The following HSD17B2 variants were observed in gnomAD, a reference collection of about 807,000 sequenced individuals.
The protein encoded by HSD17B2 is hydroxysteroid 17-beta dehydrogenase 2.
In HSD17B2, 32 loss-of-function variants were observed where a neutral mutation model predicts 26.9. The ratio of observed to expected loss-of-function variants is 1.19; its 90% CI spans 0.90 to 1.60. The LOEUF is 1.60. Ranked by LOEUF, HSD17B2 falls within the 40% of genes most tolerant of loss-of-function variation. HSD17B2 has a pLI of 0.00. For synonymous variants in HSD17B2, 246 were observed against 186.7 expected (o/e 1.32, Z -2.59); for missense variants, 613 against 468.6 (o/e 1.31, Z -2.85).
chr16:82,052,971 C>G (rs1914153174), intron 1 of HSD17B2, among the ~76,000 whole-genome samples: 1 of 152,218 alleles, frequency 6.6e-6, no homozygotes, highest in Non-Finnish European at 1.5e-5. Flanking sequence ...CAGCTTAGGT[C>G]TCTCTTCCTC....
intron 1 of HSD17B2, among the ~76,000 whole-genome samples, chr16:82,045,518 T>C (rs958701609): frequency 1.4e-4 from 22 of 152,250 alleles, no homozygotes; most frequent in Admixed American, 9.8e-4. Context: ...TAATGATTTT[T>C]ACCTATTTTC....
intron 4 of HSD17B2, chr16:82,095,108 T>C (rs1318915736): frequency 6.6e-6 from 1 of 152,072 alleles, no homozygotes; most frequent in African/African-American, 2.4e-5. Context: ...GGACTCTGGA[T>C]AGGTTACCCA....
At chr16:82,038,563 G>A (rs551590345) in intron 1 of HSD17B2, among the ~76,000 whole-genome samples, 4 of 152,208 alleles carry the variant, frequency 2.6e-5, no homozygotes, top group Admixed American at 2.0e-4. Flanking sequence ...CATTTTAAAT[G>A]TATAACTGTA....
Position 82,043,404 on chromosome 16 carries a change from G to A in HSD17B2, c.265+7715G>A, listed in dbSNP as rs559898732. ...AGGGTTTATAAAAATCATATAGATG[G>A]CCGGGCGCGGTGGCTCATGCCTGTA... On this transcript the variant is annotated intron_variant, in intron 1 of 4. Coordinates refer to ENST00000199936, the MANE Select transcript of HSD17B2 (RefSeq NM_002153.3). Among the ~76,000 whole-genome samples, 6 of 125,614 alleles carry A rather than the reference G, an allele frequency of 4.8e-5. 1 individual carries two copies. Among genetic ancestry groups the A allele is most frequent in the Admixed American group, 2.1e-4 (3 of 14,002 alleles). 82.4% of individuals were successfully genotyped at this position (125,614 alleles called of 152,430 possible).
chr16:82,084,724 A>G (rs1248209710), intron 3 of HSD17B2, among the ~76,000 whole-genome samples: 1 of 152,168 alleles, frequency 6.6e-6, no homozygotes, highest in Admixed American at 6.5e-5. Context: ...CTATGCTTGA[A>G]TAAGAAGAGT....
intron 3 of HSD17B2, chr16:82,071,549 C>T (rs1914699018): frequency 3.3e-6 from 1 of 299,524 alleles, no homozygotes. Flanking sequence ...TTTGTGCCAT[C>T]AAACAAAAGC....
Position 82,068,316 on chromosome 16 carries a change from G to A in HSD17B2, c.412G>A (p.Asp138Asn). 1 of 1,614,076 alleles carries A rather than the reference G, an allele frequency of 6.2e-7. No individual in the cohort carries two copies. Among genetic ancestry groups the A allele is most frequent in the South Asian group, 1.1e-5 (1 of 91,050 alleles). ...TCCGCGCCTCTCGGTGCTCCAAATG[G>A]ACATCACGAAGCCAGTGCAGATAAA... ...CSPRLSVLQM[D>N]ITKPVQIKDA... Residue 138 changes from aspartate (D) to asparagine (N), a missense_variant, in exon 2 of 5, where the codon GAC becomes AAC. Physicochemically the swap from Asp to Asn is conservative, Grantham distance 23. Transcript: ENST00000199936.
chr16:82,080,956 TTTCCTCC>T (rs1375847658), intron 3 of HSD17B2, among the ~76,000 whole-genome samples: 2 of 152,144 alleles, frequency 1.3e-5, no homozygotes, highest in East Asian at 3.9e-4. Flanking sequence ...TTTTTTTGTT[TTTCCTCC>T]TTCCGAAGGT....
chr16:82,068,293 C>T lies in HSD17B2; in HGVS notation c.389C>T (p.Pro130Leu), dbSNP rs746830945. ...GAEELRRTCS[P>L]RLSVLQMDIT... is the part of the protein sequence containing the mutation. ...GAGGAATTGCGAAGAACCTGCTCTC[C>T]GCGCCTCTCGGTGCTCCAAATGGAC... is the stretch of plus-strand genomic sequence containing the variant. The change falls in exon 2 of 5, where the codon CCG becomes CTG. Residue 130 changes from proline to leucine, a missense_variant. Transcript: ENST00000199936. 3.6e-5 allele frequency: 58 copies of T among 1,613,784 alleles called. No individual in the cohort carries two copies. The highest frequency in any genetic ancestry group is 3.3e-4 in the Middle Eastern group (2 of 6,074).
At chr16:82,097,764 C>T (rs528754262) in intron 4 of HSD17B2, 236 of 175,550 alleles carry the variant, frequency 1.3e-3, no homozygotes, top group African/African-American at 5.4e-3. Flanking sequence ...CATGGCAAAA[C>T]CCCGTGTCTA....
intron 2 of HSD17B2, 169 bp from the exon 3 acceptor site, chr16:82,070,773 A>G: frequency 1.7e-6 from 1 of 604,458 alleles, no homozygotes; most frequent in Middle Eastern, 4.4e-4. Context: ...TTCCCCTCCC[A>G]CTCCCACTCC....
chr16:82,047,126 C>T (rs1253012325), intron 1 of HSD17B2, among the ~76,000 whole-genome samples: 1 of 152,208 alleles, frequency 6.6e-6, no homozygotes, highest in African/African-American at 2.4e-5. Context: ...ACTGAACAGC[C>T]AGGAACTTCC....
At chr16:82,037,143 G>C (rs1169273962) in intron 1 of HSD17B2, among the ~76,000 whole-genome samples, 1 of 152,176 alleles carries the variant, frequency 6.6e-6, no homozygotes, top group Non-Finnish European at 1.5e-5. Flanking sequence ...GAATCAATTA[G>C]GCAACTCAAG....
intron 1 of HSD17B2, among the ~76,000 whole-genome samples, chr16:82,045,280 C>G (rs1467785339): frequency 6.6e-6 from 1 of 152,022 alleles, no homozygotes; most frequent in Non-Finnish European, 1.5e-5. Flanking sequence ...CTGTTTACCC[C>G]CAGTGAGCCC....
intron 1 of HSD17B2, among the ~76,000 whole-genome samples, chr16:82,048,329 G>A (rs1913999950): frequency 6.6e-6 from 1 of 152,174 alleles, no homozygotes; most frequent in African/African-American, 2.4e-5. Context: ...GGAGGAGAGA[G>A]AAAATGAGAT....
intron 1 of HSD17B2, among the ~76,000 whole-genome samples, chr16:82,043,260 C>G (rs1215303591): frequency 2.0e-5 from 3 of 152,172 alleles, no homozygotes; most frequent in Non-Finnish European, 4.4e-5. Flanking sequence ...CTGGGGCTCC[C>G]CAGGCAGGAT....
rs117607920 is a variant in HSD17B2, at chr16:82,065,209, G to A, written c.266-2961G>A. 7.0e-3 allele frequency among the ~76,000 whole-genome samples: 1,060 copies of A among 152,302 alleles called. 17 individuals carry two copies. The highest frequency in any genetic ancestry group is 0.067 in the South Asian group (324 of 4,818). On this transcript the variant is annotated intron_variant, in intron 1 of 4. Coordinates refer to ENST00000199936, the MANE Select transcript of HSD17B2 (RefSeq NM_002153.3). The stretch of plus-strand genomic sequence containing the variant: ...GTTCATGATTCTCAGGTGGATTTGG[G>A]GAGCAGATGATGGACTTCAGGTTTG...
chr16:82,084,322 T>A (rs887726444), intron 3 of HSD17B2, among the ~76,000 whole-genome samples: 1 of 152,064 alleles, frequency 6.6e-6, no homozygotes, highest in Non-Finnish European at 1.5e-5. Context: ...CACTAGATAA[T>A]AGTAGCACCC....
chr16:82,071,598 G>C (rs1478113054), intron 3 of HSD17B2: 3 of 275,174 alleles, frequency 1.1e-5, no homozygotes, highest in Admixed American at 5.0e-5. Flanking sequence ...CCCCAGTGTT[G>C]AGCAGCCTCA....
Sources: gnomAD v4.1 joint callset for allele counts (sites outside exome capture counted in the v4.1 genomes callset) on GRCh38, gnomAD v4.1.1 for gene constraint, MANE v1.5 for transcripts, NCBI Gene and HGNC (gene_info 2026-07-23, HGNC 2026-07-21) for gene names.